The following DLG1 variants were observed in gnomAD, a reference collection of about 807,000 sequenced individuals.
The protein encoded by DLG1 is discs large MAGUK scaffold protein 1.
Under a neutral mutation model 123.4 loss-of-function variants are expected in DLG1, and 42 were observed. The observed-to-expected ratio is 0.34, with a 90% CI of 0.27 to 0.44. The LOEUF (loss-of-function observed/expected upper bound fraction) is 0.44. Ranked by LOEUF, DLG1 falls within the 20% of genes least tolerant of loss-of-function variation. The pLI is 1.00. For missense variants in DLG1, 942 were observed against 1,082.6 expected (o/e 0.87, Z 1.82); for synonymous variants, 317 against 356.2 (o/e 0.89, Z 1.24).
chr3:197,074,528 T>C (rs1746027770), intron 18 of DLG1, among the ~76,000 whole-genome samples: 1 of 152,026 alleles, frequency 6.6e-6, no homozygotes, highest in Non-Finnish European at 1.5e-5. Context: ...GTGGGTCCAT[T>C]TGTTGATCCA....
intron 4 of DLG1, among the ~76,000 whole-genome samples, chr3:197,234,785 A>C (rs1217689878): frequency 2.0e-5 from 3 of 152,194 alleles, no homozygotes; most frequent in Non-Finnish European, 4.4e-5. Flanking sequence ...GTCTGAGTTT[A>C]CATGAGACTT....
At chr3:197,294,714 C>G (rs886809222) in intron 3 of DLG1, among the ~76,000 whole-genome samples, 1 of 149,420 alleles carries the variant, frequency 6.7e-6, no homozygotes. Flanking sequence ...TTCAATTGTA[C>G]GTAAGAATAG....
intron 4 of DLG1, among the ~76,000 whole-genome samples, chr3:197,217,647 C>T (rs774875347): frequency 6.6e-6 from 1 of 152,138 alleles, no homozygotes; most frequent in Non-Finnish European, 1.5e-5. Flanking sequence ...ACAGATGAAT[C>T]TCAAAATAAT....
At chr3:197,274,872 T>C (rs1161666163) in intron 4 of DLG1, among the ~76,000 whole-genome samples, 3 of 152,100 alleles carry the variant, frequency 2.0e-5, no homozygotes, top group Admixed American at 6.6e-5. Flanking sequence ...TTACTAATAA[T>C]ACTCAGGGAA....
At chr3:197,237,389 T>A (rs1746527242) in intron 4 of DLG1, among the ~76,000 whole-genome samples, 2 of 152,118 alleles carry the variant, frequency 1.3e-5, no homozygotes, top group African/African-American at 4.8e-5. Flanking sequence ...ACCTACCTTG[T>A]GCCAAAAAAG....
intron 4 of DLG1, among the ~76,000 whole-genome samples, chr3:197,249,048 C>G (rs531020102): frequency 6.6e-6 from 1 of 152,120 alleles, no homozygotes; most frequent in South Asian, 2.1e-4. Context: ...AAAGCAAGAA[C>G]AAACCAAATC....
intron 24 of DLG1, among the ~76,000 whole-genome samples, chr3:197,048,790 G>C (rs1725191226): frequency 6.6e-6 from 1 of 151,984 alleles, no homozygotes; most frequent in Admixed American, 6.6e-5. Context: ...CAAGTAGTTG[G>C]GATTACAGGC....
Position 197,268,389 on chromosome 3 carries a change from G to C in DLG1, c.318+14290C>G, listed in dbSNP as rs544700437. ...CTCCTAGATTAACAGCTTTTTTTTT[G>C]GCATAATATGACAGTTGTTCCACTT... On this transcript the variant is annotated intron_variant, in intron 4 of 24. Coordinates refer to ENST00000667157, the MANE Select transcript of DLG1 (RefSeq NM_001366207.1). Among the ~76,000 whole-genome samples, 7 of 150,792 alleles carry C rather than the reference G, an allele frequency of 4.6e-5. No individual in the cohort carries two copies. The East Asian group carries it at 1.4e-3, about 29-fold the overall frequency.
At chr3:197,063,383 T>A (rs1737204326) in intron 22 of DLG1, among the ~76,000 whole-genome samples, 2 of 152,140 alleles carry the variant, frequency 1.3e-5, no homozygotes, top group South Asian at 4.1e-4. Context: ...ATCCTTTCCA[T>A]CCCATTCCAA....
intron 14 of DLG1, among the ~76,000 whole-genome samples, chr3:197,097,450 T>C (rs1271797177): frequency 6.6e-6 from 1 of 152,156 alleles, no homozygotes; most frequent in Admixed American, 6.5e-5. Context: ...TCATAGGATA[T>C]CTTTCATCTT....
chr3:197,117,420 G>T (rs1346623299), intron 12 of DLG1, among the ~76,000 whole-genome samples: 1 of 152,068 alleles, frequency 6.6e-6, no homozygotes, highest in Admixed American at 6.6e-5. Flanking sequence ...ATAACCAAAA[G>T]GTGAAAATAA....
intron 4 of DLG1, among the ~76,000 whole-genome samples, chr3:197,217,948 A>G (rs1315741433): frequency 6.6e-6 from 1 of 152,230 alleles, no homozygotes; most frequent in Non-Finnish European, 1.5e-5. Context: ...TATGTGAATT[A>G]TATCCCAGTA....
At chr3:197,264,970 T>C (rs1761073681) in intron 4 of DLG1, among the ~76,000 whole-genome samples, 2 of 152,176 alleles carry the variant, frequency 1.3e-5, no homozygotes, top group Non-Finnish European at 2.9e-5. Flanking sequence ...ATATACCTAA[T>C]AATCCTTCAA....
At position 197,194,428 on chromosome 3, in the gene DLG1, T is replaced by C. The variant is rs757204806; in HGVS notation, c.480A>G (p.Ile160Met). The part of the protein sequence containing the change: ...GFVSHSHISP[I>M]KANPPPVLVN... Reference sequence around the variant, plus strand: ...TAATAAATAGATACTATCCTACCTTTATTGGTGAAATATGAGAATGAGAAA... The same window carrying C: ...TAATAAATAGATACTATCCTACCTTCATTGGTGAAATATGAGAATGAGAAA... The change falls in exon 5 of 25, where the codon ATA (isoleucine) becomes ATG (methionine). Residue 160 changes from isoleucine to methionine, a missense_variant. By Grantham distance (10) the Ile-to-Met change is conservative (BLOSUM62 1). Coordinates refer to ENST00000667157, the MANE Select transcript of DLG1 (RefSeq NM_001366207.1). 1.5e-5 allele frequency: 23 copies of C among 1,578,384 alleles called. 1 individual carries two copies. In the Admixed American group the frequency reaches 3.3e-4, roughly 23 times the overall value.
At chr3:197,213,436 A>G (rs185442372) in intron 4 of DLG1, among the ~76,000 whole-genome samples, 7 of 152,320 alleles carry the variant, frequency 4.6e-5, no homozygotes, top group Middle Eastern at 3.4e-3. Context: ...AAGGAGCACA[A>G]TCTTTTTGGA....
Position 197,066,737 on chromosome 3 carries a change from C to T in DLG1, c.2065G>A (p.Val689Ile), listed in dbSNP as rs556519100. The T allele has an allele frequency of 1.3e-5, 21 of 1,603,456 alleles. No individual in the cohort carries two copies. Among genetic ancestry groups the T allele is most frequent in the East Asian group, 6.7e-5 (3 of 44,530 alleles). ...TGATTCACTGGTTCATAAGATAAGA[C>T]GTATTCTTCTTGACCACCTATTAGA... is the stretch of plus-strand genomic sequence containing the variant. ...ESSYRGQEEY[V>I]LSYEPVNQQE... is the part of the protein sequence containing the mutation. The change falls in exon 20 of 25, where the codon GTC (valine) becomes ATC (isoleucine). Residue 689 changes from valine (V) to isoleucine (I), a missense_variant. Val to Ile is a conservative substitution (Grantham distance 29). Transcript: ENST00000667157.
chr3:197,246,250 T>G (rs1751693330), intron 4 of DLG1, among the ~76,000 whole-genome samples: 1 of 152,178 alleles, frequency 6.6e-6, no homozygotes, highest in African/African-American at 2.4e-5. Context: ...AGCTGTTGTC[T>G]TGTTTTGAAA....
intron 6 of DLG1, among the ~76,000 whole-genome samples, chr3:197,146,614 G>A (rs534137846): frequency 6.6e-6 from 1 of 152,186 alleles, no homozygotes; most frequent in South Asian, 2.1e-4. Context: ...AAATGAAACT[G>A]GATCCTCATC....
chr3:197,205,905 A>G (rs1728268486), intron 4 of DLG1, among the ~76,000 whole-genome samples: 1 of 152,222 alleles, frequency 6.6e-6, no homozygotes, highest in Admixed American at 6.5e-5. Context: ...AAAGCCACCA[A>G]TGTCAGGCCA....
Sources: gnomAD v4.1 joint callset for allele counts (sites outside exome capture counted in the v4.1 genomes callset) on GRCh38, gnomAD v4.1.1 for gene constraint, MANE v1.5 for transcripts, NCBI Gene and HGNC (gene_info 2026-07-23, HGNC 2026-07-21) for gene names.